XKR4: variants seen among roughly 807,000 people sequenced by gnomAD.
XKR4 encodes XK related 4, also known as XK-related protein 4.
XKR4 carries 12 observed loss-of-function variants against 53.9 expected under a neutral mutation model. That is an observed-to-expected ratio of 0.22 (90% CI 0.14 to 0.36). The LOEUF is 0.36. Among genes scored for constraint, XKR4 ranks in the 10% least tolerant of loss-of-function variants. The pLI is 1.00. For missense variants in XKR4, 799 were observed against 859.5 expected, an observed-to-expected ratio of 0.93 and a Z score of 0.88; for synonymous variants, 354 against 362.4, an observed-to-expected ratio of 0.98 and a Z score of 0.26.
chr8:55,472,871 C>T (rs534589971), intron 2 of XKR4, among the ~76,000 whole-genome samples: 20 of 152,148 alleles, frequency 1.3e-4, no homozygotes, highest in African/African-American at 3.4e-4. Context: ...GTTACAGAAG[C>T]GTTGTCTTAT....
Position 55,381,480 on chromosome 8 carries a change from C to A in XKR4, c.1006+23603C>A, listed in dbSNP as rs910185703. On this transcript the variant is annotated intron_variant, in intron 2 of 2. Coordinates refer to ENST00000327381, the MANE Select transcript of XKR4 (RefSeq NM_052898.2). ...CAGCCAGGGCCAAAGGCCTGAGAAC[C>A]TTGAGGGACCATTGGTGCAAGTCCT... 3.9e-5 allele frequency among the ~76,000 whole-genome samples: 6 copies of A among 152,184 alleles called. No homozygotes were observed. In the East Asian group the frequency reaches 5.8e-4, roughly 15 times the overall value.
chr8:55,272,937 T>A, intron 1 of XKR4: 1 of 452,030 alleles, frequency 2.2e-6, no homozygotes, highest in Admixed American at 2.4e-5. Context: ...ACTTCTCGGA[T>A]AAACACCACT....
chr8:55,256,933 C>T (rs1818446037), intron 1 of XKR4, among the ~76,000 whole-genome samples: 1 of 152,140 alleles, frequency 6.6e-6, no homozygotes, highest in Admixed American at 6.5e-5. Context: ...ATCAAGGGTC[C>T]AGCAGATGTG....
At chr8:55,458,457 G>A (rs143997227) in intron 2 of XKR4, among the ~76,000 whole-genome samples, 118 of 152,312 alleles carry the variant, frequency 7.7e-4, no homozygotes, top group South Asian at 2.7e-3. Context: ...TTTGCTATCC[G>A]TGGATGGCTT....
At chr8:55,359,425 G>C (rs1803868335) in intron 2 of XKR4, among the ~76,000 whole-genome samples, 1 of 152,150 alleles carries the variant, frequency 6.6e-6, no homozygotes, top group Non-Finnish European at 1.5e-5. Context: ...TTCCCAATAG[G>C]CATATAATGC....
chr8:55,163,715 G>A (rs1283676043), intron 1 of XKR4, among the ~76,000 whole-genome samples: 1 of 152,062 alleles, frequency 6.6e-6, no homozygotes, highest in Non-Finnish European at 1.5e-5. Context: ...CATGATGGCA[G>A]GTGCCCATAA....
intron 1 of XKR4, among the ~76,000 whole-genome samples, chr8:55,154,338 T>C (rs1816877793): frequency 1.3e-5 from 2 of 152,238 alleles, no homozygotes; most frequent in African/African-American, 4.8e-5. Flanking sequence ...TGAAAAAGGC[T>C]CACATCGTTC....
rs145593789 is a variant in XKR4, at chr8:55,205,045, C to T, written c.806+101751C>T. Reference sequence around the variant, plus strand: ...CTGCCGACGAACTGTGAAGACAGTTCCCCAGGAGGCTTTCCAGAAGTGCTG... The same window carrying T: ...CTGCCGACGAACTGTGAAGACAGTTTCCCAGGAGGCTTTCCAGAAGTGCTG... On this transcript the variant is annotated intron_variant, in intron 1 of 2. Coordinates refer to ENST00000327381, the MANE Select transcript of XKR4 (RefSeq NM_052898.2). 3.3e-3 allele frequency among the ~76,000 whole-genome samples: 506 copies of T among 152,214 alleles called. 5 individuals are homozygous for T. The highest frequency in any genetic ancestry group is 0.011 in the African/African-American group (474 of 41,518).
At chr8:55,264,974 G>C (rs1373000548) in intron 1 of XKR4, among the ~76,000 whole-genome samples, 1 of 152,170 alleles carries the variant, frequency 6.6e-6, no homozygotes, top group Non-Finnish European at 1.5e-5. Context: ...AGATAGTTCT[G>C]TCTGCTACAG....
chr8:55,389,011 G>GA (rs1398004621), intron 2 of XKR4, among the ~76,000 whole-genome samples: 4 of 152,170 alleles, frequency 2.6e-5, no homozygotes, highest in Admixed American at 1.3e-4. Context: ...CAGGGTGGGG[G>GA]ATCATAATTT....
chr8:55,430,333 A>C (rs1805083704), intron 2 of XKR4, among the ~76,000 whole-genome samples: 1 of 152,212 alleles, frequency 6.6e-6, no homozygotes, highest in Admixed American at 6.5e-5. Context: ...ATATGTCCAC[A>C]CAAAAACCTG....
At chr8:55,493,783 C>T (rs1010121916) in intron 2 of XKR4, among the ~76,000 whole-genome samples, 2 of 152,234 alleles carry the variant, frequency 1.3e-5, no homozygotes, top group Non-Finnish European at 2.9e-5. Context: ...CCCAATAGTG[C>T]TACCCATCCA....
At chr8:55,508,367 T>A (rs1045643327) in intron 2 of XKR4, among the ~76,000 whole-genome samples, 1 of 152,160 alleles carries the variant, frequency 6.6e-6, no homozygotes, top group Non-Finnish European at 1.5e-5. Context: ...TAAATTCAAT[T>A]CTGTTCAATT....
At chr8:55,192,221 T>A (rs1395903613) in intron 1 of XKR4, among the ~76,000 whole-genome samples, 2 of 143,672 alleles carry the variant, frequency 1.4e-5, no homozygotes, top group Admixed American at 1.4e-4. Flanking sequence ...TTAATACAAT[T>A]CTTACAAAGT....
Position 55,326,930 on chromosome 8 carries a change from A to G in XKR4, c.807-30748A>G, listed in dbSNP as rs148808869. Among the ~76,000 whole-genome samples the G allele has an allele frequency of 6.0e-3, 911 of 152,022 alleles. 11 individuals are homozygous for G. The highest frequency in any genetic ancestry group is 0.02 in the African/African-American group (838 of 41,490). Reference sequence around the variant, plus strand: ...AATGTGGCCAGTGGTCAAATGTGGGATCACAAGATGATTTTGAGGGACAAT... The same window carrying G: ...AATGTGGCCAGTGGTCAAATGTGGGGTCACAAGATGATTTTGAGGGACAAT... On this transcript the variant is annotated intron_variant, in intron 1 of 2. Coordinates refer to ENST00000327381, the MANE Select transcript of XKR4 (RefSeq NM_052898.2).
At chr8:55,247,858 T>TCTTTCTTTCTTTC (rs1554572236) in intron 1 of XKR4, among the ~76,000 whole-genome samples, 9 of 97,782 alleles carry the variant, frequency 9.2e-5, no homozygotes, top group African/African-American at 1.6e-4. Flanking sequence ...TTTCTTTCTT[T>TCTTTCTTTCTTTC]TTTTTTTTTT....
chr8:55,407,322 G>T (rs1804699463), intron 2 of XKR4, among the ~76,000 whole-genome samples: 1 of 152,232 alleles, frequency 6.6e-6, no homozygotes, highest in South Asian at 2.1e-4. Flanking sequence ...TGCTTCCCAG[G>T]AATCACCGCC....
chr8:55,160,078 A>T (rs915781059), intron 1 of XKR4, among the ~76,000 whole-genome samples: 2 of 152,220 alleles, frequency 1.3e-5, no homozygotes, highest in Non-Finnish European at 2.9e-5. Context: ...TTGTCTAGGA[A>T]AGTAGGGAAT....
chr8:55,111,959 T>C (rs1480777), intron 1 of XKR4, among the ~76,000 whole-genome samples: 119,347 of 152,078 alleles, frequency 0.78, 47,148 homozygotes, highest in East Asian at 0.93. Flanking sequence ...TTGTTAAAAA[T>C]AGGGGTATGG....
Sources: gnomAD v4.1 joint callset for allele counts (sites outside exome capture counted in the v4.1 genomes callset) on GRCh38, gnomAD v4.1.1 for gene constraint, MANE v1.5 for transcripts, NCBI Gene and HGNC (gene_info 2026-07-23, HGNC 2026-07-21) for gene names.